GNAS: variants seen among roughly 807,000 people sequenced by gnomAD.
GNAS encodes GNAS complex locus.
GNAS carries 8 observed loss-of-function variants against 54.5 expected under a neutral mutation model. The observed-to-expected ratio is 0.15, with a 90% CI of 0.09 to 0.26. The LOEUF is 0.26. Ranked by LOEUF, GNAS falls within the 10% of genes least tolerant of loss-of-function variation. GNAS has a pLI of 1.00. For missense variants in GNAS, 170 were observed against 529.8 expected, an observed-to-expected ratio of 0.32 and a Z score of 6.67; for synonymous variants, 204 against 191.4, an observed-to-expected ratio of 1.07 and a Z score of -0.54.
At chr20:58,902,317 TAA>T (rs1451864827) in intron 3 of GNAS, among the ~76,000 whole-genome samples, 1 of 152,202 alleles carries the variant, frequency 6.6e-6, no homozygotes, top group South Asian at 2.1e-4. Flanking sequence ...TCTAAAAACA[TAA>T]ACTCGAGAAC....
At chr20:58,854,635 C>T (rs1311929704) in intron 1 of GNAS, 4 of 1,533,358 alleles carry the variant, frequency 2.6e-6, no homozygotes, top group South Asian at 1.2e-5. Context: ...GACTCCGGGG[C>T]GGCCCCTGAC....
At chr20:58,892,312 G>A (rs1311380006) in intron 1 of GNAS, 8 of 308,712 alleles carry the variant, frequency 2.6e-5, no homozygotes, top group Non-Finnish European at 3.3e-5. Context: ...GAGGGAGGGG[G>A]ACCCGCCTCC....
rs73307930 is a variant in GNAS, at chr20:58,873,238, T to C, written c.44-22374T>C. On this transcript the variant is annotated intron_variant, in intron 1 of 12. Coordinates refer to the GNAS transcript ENST00000306090. This position sits in a 1 kb window ranked among gnomAD's most constrained non-coding sequence, Gnocchi z 4.3. ...ATAAAATGGGCCTTCTGTGACATTT[T>C]GGAATTGTCAGGGAGTTAGGGGTCA... is the stretch of plus-strand genomic sequence containing the variant. Among the ~76,000 whole-genome samples, 1,922 of 152,210 alleles carry C rather than the reference T, an allele frequency of 0.013. 45 individuals carry two copies. The highest frequency in any genetic ancestry group is 0.044 in the African/African-American group (1,809 of 41,530).
At chr20:58,889,226 C>CGCGGG, upstream of GNAS, 1 of 1,207,928 alleles carries the variant, frequency 8.3e-7, no homozygotes, top group Non-Finnish European at 1.1e-6. Flanking sequence ...GGCTGGCCGG[C>CGCGGG]GCGGCGCTCC....
upstream of GNAS, among the ~76,000 whole-genome samples, chr20:58,886,689 C>T (rs534749577): frequency 7.2e-5 from 11 of 152,000 alleles, no homozygotes. Context: ...TTTAGGGCCT[C>T]AAGAGGTCAA....
At chr20:58,904,573 G>A (rs897626294) in intron 5 of GNAS, among the ~76,000 whole-genome samples, 8 of 152,144 alleles carry the variant, frequency 5.3e-5, no homozygotes, top group East Asian at 1.9e-4. Context: ...AGATGTATGC[G>A]TTTGTAAGAC....
chr20:58,840,415 C>T (rs373276011), upstream of GNAS: 53 of 1,613,524 alleles, frequency 3.3e-5, no homozygotes, highest in African/African-American at 5.7e-4. The surrounding 1 kb of genome is among the most constrained non-coding windows in gnomAD (Gnocchi z 6.0). Flanking sequence ...GCCTAGAGTA[C>T]GAGGAAGAGT....
chr20:58,864,501 C>T (rs552481555), intron 1 of GNAS, among the ~76,000 whole-genome samples: 5 of 152,232 alleles, frequency 3.3e-5, no homozygotes, highest in Admixed American at 3.3e-4. Flanking sequence ...CACTGCCCCC[C>T]AACATGGGAA....
intron 3 of GNAS, chr20:58,899,991 C>T (rs950212353): frequency 1.1e-5 from 8 of 716,238 alleles, no homozygotes; most frequent in East Asian, 2.7e-5. Flanking sequence ...CTCATCTTCC[C>T]GGCTATGTCC....
At chr20:58,846,903 C>T (rs189097110) in intron 1 of GNAS, among the ~76,000 whole-genome samples, 5 of 151,500 alleles carry the variant, frequency 3.3e-5, no homozygotes, top group African/African-American at 1.2e-4. Context: ...GCCAAATTTA[C>T]CTTCCGAGAT....
upstream of GNAS, chr20:58,840,226 G>A: frequency 6.2e-7 from 1 of 1,610,896 alleles, no homozygotes; most frequent in Non-Finnish European, 8.5e-7. The surrounding 1 kb of genome is among the most constrained non-coding windows in gnomAD (Gnocchi z 6.0). Flanking sequence ...GCTCCATCGC[G>A]CTCCTCCGCG....
intron 1 of GNAS, among the ~76,000 whole-genome samples, chr20:58,876,084 C>T (rs1236328819): frequency 6.6e-6 from 1 of 152,162 alleles, no homozygotes; most frequent in Admixed American, 6.5e-5. Flanking sequence ...GGTGTATTAA[C>T]AGCTAATGAT....
intron 1 of GNAS, among the ~76,000 whole-genome samples, chr20:58,878,706 C>A (rs951525628): frequency 6.6e-6 from 1 of 152,066 alleles, no homozygotes; most frequent in African/African-American, 2.4e-5. Flanking sequence ...TTTTAATGGG[C>A]CCATTTAGGG....
At chr20:58,879,772 T>C (rs1366563697) in intron 1 of GNAS, among the ~76,000 whole-genome samples, 1 of 152,166 alleles carries the variant, frequency 6.6e-6, no homozygotes, top group Non-Finnish European at 1.5e-5. Flanking sequence ...TGTGGAAAGA[T>C]ATCTTTATGG....
Position 58,910,166 on chromosome 20 carries a change from CACCACCAA to C in GNAS, c.970+90_970+97del. 1 of 1,402,600 alleles carries C rather than the reference CACCACCAA, an allele frequency of 7.1e-7. No individual in the cohort carries two copies. Among genetic ancestry groups the C allele is most frequent in the Non-Finnish European group, 1.0e-6 (1 of 987,314 alleles). 86.9% of individuals were successfully genotyped at this position (1,402,600 alleles called of 1,614,324 possible). On this transcript the variant is annotated intron_variant, in intron 11 of 12. Coordinates refer to ENST00000371085, the MANE Select transcript of GNAS (RefSeq NM_000516.7). The surrounding 1 kb of genome is among the most constrained non-coding windows in gnomAD (Gnocchi z 5.8). ...AGGCTGAAAACCCCCATCCCCCTCC[CACCACCAA>C]ACCATAAAGGATCTATAAGAGAAGC...
intron 1 of GNAS, among the ~76,000 whole-genome samples, chr20:58,850,275 G>A (rs1030742530): frequency 5.9e-5 from 9 of 152,172 alleles, no homozygotes; most frequent in Admixed American, 2.6e-4. Context: ...TCCAGGATGA[G>A]GAACTGGTAT....
intron 3 of GNAS, among the ~76,000 whole-genome samples, chr20:58,902,700 AGTGC>A (rs1177499569): frequency 7.1e-6 from 1 of 141,748 alleles, no homozygotes; most frequent in Non-Finnish European, 1.5e-5. Context: ...TGCTAGCTGC[AGTGC>A]CTGGAGCATC....
intron 6 of GNAS, among the ~76,000 whole-genome samples, chr20:58,907,877 C>T (rs915718921): frequency 6.6e-6 from 1 of 152,210 alleles, no homozygotes; most frequent in African/African-American, 2.4e-5. Flanking sequence ...ATTTCTTAAG[C>T]TGTCTATTTT....
chr20:58,902,770 C>T (rs1350653067), intron 3 of GNAS, among the ~76,000 whole-genome samples: 6 of 120,924 alleles, frequency 5.0e-5, no homozygotes, highest in Non-Finnish European at 8.0e-5. Context: ...GTCTCACTCT[C>T]GCCCTGGCTG....
Sources: gnomAD v4.1 joint callset for allele counts (sites outside exome capture counted in the v4.1 genomes callset) on GRCh38, gnomAD v4.1.1 for gene constraint, Gnocchi (gnomAD v3.1) non-coding constraint, MANE v1.5 for transcripts, NCBI Gene and HGNC (gene_info 2026-07-23, HGNC 2026-07-21) for gene names.